The following CLASP1 variants were observed in gnomAD, a reference collection of about 807,000 sequenced individuals.
CLASP1 encodes the protein cytoplasmic linker associated protein 1.
CLASP1 carries 38 observed loss-of-function variants against 192.3 expected under a neutral mutation model. That is an observed-to-expected ratio of 0.20 (90% confidence interval 0.15 to 0.26). The LOEUF (loss-of-function observed/expected upper bound fraction) is 0.26, where lower values mean the gene tolerates loss of function less well. Among genes scored for constraint, CLASP1 ranks in the 10% least tolerant of loss-of-function variants. CLASP1 has a pLI of 1.00. For synonymous variants in CLASP1, 691 were observed against 712.8 expected (o/e 0.97, Z 0.49); for missense variants, 1,433 against 1,932.5 (o/e 0.74, Z 4.85).
chr2:121,540,417 C>T (rs959821655), intron 2 of CLASP1, among the ~76,000 whole-genome samples: 3 of 152,104 alleles, frequency 2.0e-5, no homozygotes, highest in East Asian at 3.9e-4. Flanking sequence ...GCTGGATGAT[C>T]GCTTAAGCCC....
intron 2 of CLASP1, among the ~76,000 whole-genome samples, chr2:121,534,232 C>T (rs1364715682): frequency 1.3e-5 from 2 of 152,164 alleles, no homozygotes; most frequent in Non-Finnish European, 2.9e-5. Flanking sequence ...GGTTAGATTC[C>T]AAAGCCCTCC....
chr2:121,563,312 A>C (rs2059248314), intron 2 of CLASP1, among the ~76,000 whole-genome samples: 1 of 152,246 alleles, frequency 6.6e-6, no homozygotes, highest in African/African-American at 2.4e-5. Flanking sequence ...AAGAGTCTAC[A>C]TCACATTGAA....
intron 2 of CLASP1, among the ~76,000 whole-genome samples, chr2:121,568,677 ATACTC>A (rs776033187): frequency 2.2e-4 from 33 of 152,012 alleles, no homozygotes; most frequent in Non-Finnish European, 4.3e-4. Flanking sequence ...ATTATAGAGA[ATACTC>A]TAGAGTTTGG....
intron 17 of CLASP1, 97 bp downstream of exon 17, chr2:121,448,856 C>T (rs2084879975): frequency 1.6e-6 from 2 of 1,230,640 alleles, no homozygotes; most frequent in Non-Finnish European, 2.3e-6. Flanking sequence ...TTTTAACAAG[C>T]ACCCATGTAA....
intron 8 of CLASP1, among the ~76,000 whole-genome samples, chr2:121,489,649 T>C (rs2093186703): frequency 6.6e-6 from 1 of 152,244 alleles, no homozygotes; most frequent in Admixed American, 6.5e-5. Context: ...TCTTTTAAAA[T>C]CACTTCGATA....
Position 121,639,440 on chromosome 2 carries a change from G to T in CLASP1, c.-286+9932C>A, listed in dbSNP as rs146780622. Among the ~76,000 whole-genome samples, 1,031 of 152,336 alleles carry T rather than the reference G, an allele frequency of 6.8e-3. 9 individuals carry two copies. The highest frequency in any genetic ancestry group is 0.027 in the Middle Eastern group (8 of 294). ...GGTTACCAGGTGCTGGGAGACAGAG[G>T]AATGGGGAGTTATTGCTTAATGGCT... is the stretch of plus-strand genomic sequence containing the variant. On this transcript the variant is annotated intron_variant, in intron 1 of 39. Coordinates refer to ENST00000263710, the Ensembl canonical transcript of CLASP1.
At chr2:121,500,394 AAG>A (rs1194943184) in intron 8 of CLASP1, among the ~76,000 whole-genome samples, 1 of 149,176 alleles carries the variant, frequency 6.7e-6, no homozygotes, top group Non-Finnish European at 1.5e-5. Flanking sequence ...GAAAGAAAGA[AAG>A]AAAAGAAAGA....
intron 14 of CLASP1, among the ~76,000 whole-genome samples, chr2:121,454,975 C>T (rs541288155): frequency 3.9e-5 from 6 of 152,288 alleles, no homozygotes; most frequent in East Asian, 3.9e-4. Context: ...ACAAGTCAAA[C>T]GAGTAAGTGG....
chr2:121,401,248 A>G (rs2076121092), intron 28 of CLASP1, among the ~76,000 whole-genome samples: 1 of 152,248 alleles, frequency 6.6e-6, no homozygotes, highest in Non-Finnish European at 1.5e-5. Flanking sequence ...TGAGAAGAGA[A>G]TCAATTTCCA....
At chr2:121,633,915 G>A (rs1028527814) in intron 1 of CLASP1, among the ~76,000 whole-genome samples, 1 of 151,864 alleles carries the variant, frequency 6.6e-6, no homozygotes, top group African/African-American at 2.4e-5. Context: ...GCTGAGGCAG[G>A]AGAATGGCGT....
At chr2:121,483,498 G>A (rs1467229830) in intron 8 of CLASP1, among the ~76,000 whole-genome samples, 1 of 151,462 alleles carries the variant, frequency 6.6e-6, no homozygotes, top group Non-Finnish European at 1.5e-5. Context: ...ATATATGTGT[G>A]TATATATATG....
intron 11 of CLASP1, 101 bp downstream of exon 11, chr2:121,461,000 C>A: frequency 1.4e-6 from 1 of 694,978 alleles, no homozygotes; most frequent in South Asian, 1.8e-5. Flanking sequence ...AAAATATGTA[C>A]TATTTAGAAT....
chr2:121,447,836 T>C (rs1488852584), intron 18 of CLASP1, among the ~76,000 whole-genome samples: 1 of 152,176 alleles, frequency 6.6e-6, no homozygotes, highest in Non-Finnish European at 1.5e-5. Flanking sequence ...GGGCGTCTCC[T>C]CATGAAATGA....
chr2:121,366,928 G>T (rs1241329935), intron 35 of CLASP1, among the ~76,000 whole-genome samples: 2 of 152,212 alleles, frequency 1.3e-5, no homozygotes, highest in African/African-American at 4.8e-5. Context: ...AAAGAAACCA[G>T]ACTAGCTCTG....
intron 2 of CLASP1, among the ~76,000 whole-genome samples, chr2:121,584,576 T>TTC (rs771724088): frequency 1.5e-4 from 23 of 152,270 alleles, no homozygotes; most frequent in Non-Finnish European, 2.8e-4. Context: ...GACTGCTTAT[T>TTC]TCCAGAATAG....
At chr2:121,568,792 A>C (rs769223071) in intron 2 of CLASP1, among the ~76,000 whole-genome samples, 1 of 151,884 alleles carries the variant, frequency 6.6e-6, no homozygotes, top group Non-Finnish European at 1.5e-5. Flanking sequence ...TCAGAGGAGA[A>C]CTCTGTCATA....
intron 34 of CLASP1, among the ~76,000 whole-genome samples, chr2:121,372,290 C>A (rs1223022633): frequency 2.0e-5 from 3 of 152,186 alleles, no homozygotes; most frequent in Non-Finnish European, 4.4e-5. Flanking sequence ...TATGCCACCA[C>A]CCTCTCCTGG....
At chr2:121,634,341 G>C (rs1480844478) in intron 1 of CLASP1, among the ~76,000 whole-genome samples, 1 of 152,096 alleles carries the variant, frequency 6.6e-6, no homozygotes, top group Non-Finnish European at 1.5e-5. Context: ...ATATACCCTA[G>C]AATAACACTT....
intron 1 of CLASP1, among the ~76,000 whole-genome samples, chr2:121,630,882 G>A (rs967288815): frequency 4.0e-5 from 6 of 148,350 alleles, no homozygotes; most frequent in East Asian, 2.0e-4. Flanking sequence ...AAAAGAGGCC[G>A]GGCGCAGTGG....
Sources: allele counts gnomAD v4.1 joint callset (sites outside exome capture counted in the v4.1 genomes callset), GRCh38; gene constraint gnomAD v4.1.1; transcripts MANE v1.5; gene names NCBI Gene and HGNC (gene_info 2026-07-23, HGNC 2026-07-21).